Variants in FHOD3 observed in about 807,000 individuals in gnomAD.
FHOD3 encodes FH1/FH2 domain-containing protein 3.
Under a neutral mutation model 173.0 loss-of-function variants are expected in FHOD3, and 90 were observed. That is an observed-to-expected ratio of 0.52 (90% CI 0.44 to 0.62). The LOEUF (loss-of-function observed/expected upper bound fraction) is 0.62, where lower values mean the gene tolerates loss of function less well. Among genes scored for constraint, FHOD3 ranks in the 20% least tolerant of loss-of-function variants. FHOD3 has a pLI of 0.00. For missense variants in FHOD3, 1,945 were observed against 2,034.7 expected (o/e 0.96, Z 0.85); for synonymous variants, 828 against 823.0 (o/e 1.01, Z -0.10).
chr18:36,625,650 C>T lies in FHOD3; in HGVS notation c.1097C>T (p.Ser366Leu), dbSNP rs747730516. 3.7e-5 allele frequency: 59 copies of T among 1,610,118 alleles called. No individual in the cohort carries two copies. The highest frequency in any genetic ancestry group is 1.3e-4 in the East Asian group (6 of 44,604). ...GACCGCAGAAGGAGCCGCAGGCACT[C>T]GGTGCAGAGCATCAAGAGCACCCTG... The part of the protein sequence containing the change: ...GLDRRRSRRH[S>L]VQSIKSTLSA... The change falls in exon 10 of 29, where the codon TCG (serine) becomes TTG (leucine). Residue 366 changes from serine to leucine, a missense_variant. Physicochemically the swap from Ser to Leu is moderately radical, Grantham distance 145. Transcript: ENST00000590592.
chr18:36,597,172 C>T (rs531993007), intron 7 of FHOD3, among the ~76,000 whole-genome samples: 1 of 152,260 alleles, frequency 6.6e-6, no homozygotes, highest in African/African-American at 2.4e-5. Context: ...CTCGGAGTTC[C>T]CTTCCTTGAA....
chr18:36,713,705 A>G (rs574693605), intron 18 of FHOD3, among the ~76,000 whole-genome samples: 15 of 152,222 alleles, frequency 9.9e-5, no homozygotes, highest in Admixed American at 9.8e-4. Context: ...TCCCAATTAC[A>G]TTGATTTTAT....
intron 5 of FHOD3, among the ~76,000 whole-genome samples, chr18:36,526,811 G>C (rs1021180881): frequency 2.0e-5 from 3 of 152,202 alleles, no homozygotes; most frequent in Non-Finnish European, 4.4e-5. Flanking sequence ...TCTTGTGTAA[G>C]CAAACAGCAG....
chr18:36,369,947 A>C (rs2047098424), intron 2 of FHOD3, among the ~76,000 whole-genome samples: 2 of 152,214 alleles, frequency 1.3e-5, no homozygotes, highest in African/African-American at 4.8e-5. Flanking sequence ...TGTTTCCACC[A>C]GCCCTGTATG....
intron 6 of FHOD3, among the ~76,000 whole-genome samples, chr18:36,578,086 A>G (rs957649598): frequency 6.6e-6 from 1 of 152,170 alleles, no homozygotes; most frequent in African/African-American, 2.4e-5. Flanking sequence ...TTGAACCTGA[A>G]TTAAACAGGT....
intron 3 of FHOD3, among the ~76,000 whole-genome samples, chr18:36,470,460 G>C (rs1318603256): frequency 1.3e-5 from 2 of 152,192 alleles, no homozygotes; most frequent in Non-Finnish European, 2.9e-5. Context: ...CTGAAGCCAA[G>C]ATTTGGCATG....
chr18:36,375,134 C>T (rs991604626), intron 3 of FHOD3, among the ~76,000 whole-genome samples: 1 of 152,184 alleles, frequency 6.6e-6, no homozygotes, highest in Non-Finnish European at 1.5e-5. Context: ...CCTATTGTGA[C>T]ATATTCTTTC....
intron 15 of FHOD3, among the ~76,000 whole-genome samples, chr18:36,686,142 C>T (rs2038599329): frequency 6.6e-6 from 1 of 152,128 alleles, no homozygotes; most frequent in Non-Finnish European, 1.5e-5. Context: ...ATCTTAAAGA[C>T]ATATGCATAC....
intron 3 of FHOD3, among the ~76,000 whole-genome samples, chr18:36,435,101 C>T (rs1168809060): frequency 1.5e-4 from 21 of 138,136 alleles, no homozygotes; most frequent in Non-Finnish European, 1.9e-4. Context: ...TTTCACTGGA[C>T]TTTTTTTTTT....
chr18:36,547,394 T>A (rs145775620), intron 5 of FHOD3, among the ~76,000 whole-genome samples: 2 of 152,208 alleles, frequency 1.3e-5, no homozygotes, highest in African/African-American at 4.8e-5. Flanking sequence ...ACCAAAAAAA[T>A]TCTTGTTTTT....
At chr18:36,350,941 AG>A (rs895223496) in intron 1 of FHOD3, among the ~76,000 whole-genome samples, 6 of 152,320 alleles carry the variant, frequency 3.9e-5, no homozygotes, top group Admixed American at 1.3e-4. Flanking sequence ...CCACATATTT[AG>A]GGACTTTTGC....
intron 5 of FHOD3, among the ~76,000 whole-genome samples, chr18:36,566,135 T>C (rs1368592291): frequency 1.3e-5 from 2 of 152,168 alleles, no homozygotes; most frequent in Non-Finnish European, 2.9e-5. Flanking sequence ...TAAGAGCTGT[T>C]TGTGCAAAAA....
intron 3 of FHOD3, among the ~76,000 whole-genome samples, chr18:36,480,702 C>A (rs906959633): frequency 2.0e-5 from 3 of 152,228 alleles, no homozygotes; most frequent in Admixed American, 1.3e-4. Flanking sequence ...AATAGCATTT[C>A]GTCCTTAATT....
intron 2 of FHOD3, among the ~76,000 whole-genome samples, chr18:36,359,080 T>G (rs2046490162): frequency 6.6e-6 from 1 of 152,236 alleles, no homozygotes; most frequent in Non-Finnish European, 1.5e-5. Context: ...CAGTTAAGAT[T>G]TGCCCTTTGG....
At chr18:36,351,295 C>T (rs533627461) in intron 1 of FHOD3, among the ~76,000 whole-genome samples, 1 of 152,072 alleles carries the variant, frequency 6.6e-6, no homozygotes, top group African/African-American at 2.4e-5. Flanking sequence ...GCCTGCCCAC[C>T]CATTTATTAG....
intron 19 of FHOD3, among the ~76,000 whole-genome samples, chr18:36,720,223 C>T (rs531196570): frequency 4.2e-4 from 63 of 150,304 alleles, no homozygotes; most frequent in African/African-American, 1.5e-3. Flanking sequence ...CATCCACATG[C>T]CCCGTTCCAA....
chr18:36,614,054 A>T (rs1427105760), intron 9 of FHOD3, among the ~76,000 whole-genome samples: 1 of 152,152 alleles, frequency 6.6e-6, no homozygotes. Flanking sequence ...GTACAATTTA[A>T]TGGTTTTTAG....
rs575203913 is a variant in FHOD3 at position 36,487,179 on chromosome 18, G to A, written c.338-14753G>A. On this transcript the variant is annotated intron_variant, in intron 3 of 28. Transcript: ENST00000590592. ...GGAAAGTCCTAGAAATAGAATTGCT[G>A]GGTTGAACAGTAGGTGTATATTTCA... Among the ~76,000 whole-genome samples, 3 of 152,306 alleles carry A rather than the reference G, an allele frequency of 2.0e-5. No individual in the cohort carries two copies. In the East Asian group the frequency reaches 5.8e-4, roughly 29 times the overall value.
At position 36,487,573 on chromosome 18, in the gene FHOD3, A is replaced by G. The variant is rs2054255547; in HGVS notation, c.338-14359A>G. On this transcript the variant is annotated intron_variant, in intron 3 of 28. Transcript: ENST00000590592. ...ATCAGGAAATATACTCTGATTAGGTATTAGGCTCAGAAATATTTATTTAGC... is the reference window on the plus strand; with the variant it reads ...ATCAGGAAATATACTCTGATTAGGTGTTAGGCTCAGAAATATTTATTTAGC... Among the ~76,000 whole-genome samples the G allele has an allele frequency of 2.6e-5, 4 of 152,142 alleles. No individual in the cohort carries two copies. In the South Asian group the frequency reaches 6.2e-4, roughly 24 times the overall value.
Sources: gnomAD v4.1 joint callset for allele counts (sites outside exome capture counted in the v4.1 genomes callset) on GRCh38, gnomAD v4.1.1 for gene constraint, MANE v1.5 for transcripts, NCBI Gene and HGNC (gene_info 2026-07-23, HGNC 2026-07-21) for gene names.